MAGI2: variants seen among roughly 807,000 people sequenced by gnomAD.
MAGI2 encodes membrane associated guanylate kinase, WW and PDZ domain containing 2.
MAGI2 carries 35 observed loss-of-function variants against 133.3 expected under a neutral mutation model. That is an observed-to-expected ratio of 0.26 (90% CI 0.20 to 0.35). The LOEUF (loss-of-function observed/expected upper bound fraction) is 0.35. Among genes scored for constraint, MAGI2 ranks in the 10% least tolerant of loss-of-function variants. The pLI, the probability that MAGI2 is intolerant of heterozygous loss-of-function variation, is 1.00. For missense variants in MAGI2, 1,636 were observed against 1,863.4 expected (o/e 0.88, Z 2.25); for synonymous variants, 729 against 710.6 (o/e 1.03, Z -0.41).
chr7:78,824,921 A>G (rs1192171291), intron 2 of MAGI2, among the ~76,000 whole-genome samples: 1 of 152,228 alleles, frequency 6.6e-6, no homozygotes, highest in Non-Finnish European at 1.5e-5. Context: ...TTGAAGAGAC[A>G]CGGATGAAGG....
chr7:79,043,022 A>C (rs12705955), intron 1 of MAGI2, among the ~76,000 whole-genome samples: 78,772 of 151,942 alleles, frequency 0.52, 23,421 homozygotes, highest in African/African-American at 0.83. Context: ...TCAATAAATT[A>C]TTTGAAACTA....
intron 2 of MAGI2, among the ~76,000 whole-genome samples, chr7:78,955,177 T>C (rs1584492500): frequency 6.6e-6 from 1 of 152,152 alleles, no homozygotes; most frequent in Non-Finnish European, 1.5e-5. Flanking sequence ...AGTATCTTAA[T>C]AAATTATAAA....
At chr7:78,144,398 C>T (rs186815270) in intron 16 of MAGI2, among the ~76,000 whole-genome samples, 43 of 152,296 alleles carry the variant, frequency 2.8e-4, no homozygotes, top group Non-Finnish European at 4.9e-4. Context: ...CTGCATCCCA[C>T]CTGCTCTCCT....
intron 6 of MAGI2, among the ~76,000 whole-genome samples, chr7:78,479,045 G>A (rs977813419): frequency 7.9e-5 from 12 of 151,986 alleles, no homozygotes; most frequent in South Asian, 2.1e-4. Flanking sequence ...CATAGTGGCA[G>A]CTGGAAGCAC....
At chr7:79,200,154 G>T (rs1360448541) in intron 1 of MAGI2, among the ~76,000 whole-genome samples, 1 of 151,902 alleles carries the variant, frequency 6.6e-6, no homozygotes, top group East Asian at 1.9e-4. Flanking sequence ...GTGGTTTATA[G>T]TTCCAGCTCT....
At chr7:79,156,091 C>T (rs1823753323) in intron 1 of MAGI2, among the ~76,000 whole-genome samples, 1 of 151,966 alleles carries the variant, frequency 6.6e-6, no homozygotes, top group South Asian at 2.1e-4. Flanking sequence ...TTTTTATCTT[C>T]CCCAAATTCC....
At chr7:78,955,757 C>CTTTCT in intron 2 of MAGI2, among the ~76,000 whole-genome samples, 2 of 69,694 alleles carry the variant, frequency 2.9e-5, no homozygotes, top group African/African-American at 9.2e-5. Flanking sequence ...TTCTTTCTTT[C>CTTTCT]TTTCTTTCTT....
chr7:78,813,785 C>CAAAAAAAAAAAAAAAAAA (rs36107160), intron 2 of MAGI2, among the ~76,000 whole-genome samples: 1 of 96,802 alleles, frequency 1.0e-5, no homozygotes, highest in Non-Finnish European at 2.0e-5. Context: ...GATTCTGTCT[C>CAAAAAAAAAAAAAAAAAA]AAAAAAAAAA....
chr7:78,775,320 T>TAAAAAAAGAAAAAAAAAAAAAAAAAA (rs1825902930), intron 2 of MAGI2, among the ~76,000 whole-genome samples: 1 of 57,358 alleles, frequency 1.7e-5, no homozygotes, highest in African/African-American at 7.0e-5. Flanking sequence ...CGTCTCAAAT[T>TAAAAAAAGAAAAAAAAAAAAAAAAAA]AAAAAAAAAA....
chr7:79,092,874 CT>C (rs1347711407), intron 1 of MAGI2, among the ~76,000 whole-genome samples: 1 of 152,074 alleles, frequency 6.6e-6, no homozygotes, highest in African/African-American at 2.4e-5. Flanking sequence ...CTTTTCTAAC[CT>C]TTTCCAGTCT....
At chr7:78,255,908 C>A in intron 10 of MAGI2, 35 bp downstream of exon 10, 1 of 1,599,418 alleles carries the variant, frequency 6.3e-7, no homozygotes. Flanking sequence ...CTATTTTACC[C>A]ACATATTTTA....
intron 16 of MAGI2, among the ~76,000 whole-genome samples, chr7:78,152,456 GA>G: frequency 6.6e-6 from 1 of 152,294 alleles, no homozygotes; most frequent in East Asian, 1.9e-4. Context: ...GGTACAGGAG[GA>G]CTGGATTGTA....
intron 1 of MAGI2, among the ~76,000 whole-genome samples, chr7:79,052,019 T>A (rs575940721): frequency 1.3e-5 from 2 of 152,210 alleles, no homozygotes; most frequent in East Asian, 3.9e-4. Flanking sequence ...GATAAAACTG[T>A]CCTTTTTGGG....
intron 6 of MAGI2, among the ~76,000 whole-genome samples, chr7:78,430,603 A>T (rs1412558750): frequency 6.6e-6 from 1 of 152,068 alleles, no homozygotes; most frequent in Non-Finnish European, 1.5e-5. Flanking sequence ...ATAGTATCCA[A>T]CACCTTTTAA....
chr7:78,369,061 G>A, intron 7 of MAGI2, 95 bp downstream of exon 7: 1 of 795,542 alleles, frequency 1.3e-6, no homozygotes, highest in Non-Finnish European at 2.0e-6. Flanking sequence ...AAAGGGAAAT[G>A]AAGGGGCTGT....
chr7:78,757,467 C>A (rs956920473), intron 2 of MAGI2, among the ~76,000 whole-genome samples: 2 of 152,234 alleles, frequency 1.3e-5, no homozygotes, highest in East Asian at 3.9e-4. Context: ...TCAAATATTT[C>A]TTCTTTTTAT....
At chr7:78,031,684 A>C (rs1307678447) in intron 21 of MAGI2, among the ~76,000 whole-genome samples, 1 of 152,214 alleles carries the variant, frequency 6.6e-6, no homozygotes, top group Non-Finnish European at 1.5e-5. Flanking sequence ...CCCTGTCTGA[A>C]GTGGCAGAGA....
At chr7:78,103,596 C>T (rs1014291296) in intron 20 of MAGI2, among the ~76,000 whole-genome samples, 2 of 152,216 alleles carry the variant, frequency 1.3e-5, no homozygotes, top group East Asian at 1.9e-4. Flanking sequence ...TGAGGTTACC[C>T]GGCTAGTAAG....
chr7:78,848,113 C>T (rs1792785559), intron 2 of MAGI2, among the ~76,000 whole-genome samples: 1 of 151,798 alleles, frequency 6.6e-6, no homozygotes, highest in Non-Finnish European at 1.5e-5. Context: ...CCCCTGAACT[C>T]TCTCTATTTG....
Sources: allele counts gnomAD v4.1 joint callset (sites outside exome capture counted in the v4.1 genomes callset), GRCh38; gene constraint gnomAD v4.1.1; transcripts MANE v1.5; gene names NCBI Gene and HGNC (gene_info 2026-07-23, HGNC 2026-07-21).